Variants in BICC1 observed in about 807,000 individuals in gnomAD.
BICC1 encodes BicC family RNA binding protein 1.
Under a neutral mutation model 111.0 loss-of-function variants are expected in BICC1, and 43 were observed. That is an observed-to-expected ratio of 0.39 (90% CI 0.30 to 0.50). BICC1 has a LOEUF of 0.50. Ranked by LOEUF, BICC1 falls within the 20% of genes least tolerant of loss-of-function variation. The pLI is 0.88. For missense variants in BICC1, 1,091 were observed against 1,203.2 expected, an observed-to-expected ratio of 0.91 and a Z score of 1.38; for synonymous variants, 467 against 434.4, an observed-to-expected ratio of 1.07 and a Z score of -0.93.
chr10:58,513,428 TACGG>T (rs2132482797), intron 1 of BICC1, 95 bp downstream of exon 1: 1 of 1,258,758 alleles, frequency 7.9e-7, no homozygotes, highest in Non-Finnish European at 1.0e-6. Context: ...TACTCCAGCC[TACGG>T]CCGGCCGGTT....
At chr10:58,727,376 C>T (rs1432831770) in intron 3 of BICC1, among the ~76,000 whole-genome samples, 1 of 152,066 alleles carries the variant, frequency 6.6e-6, no homozygotes, top group Non-Finnish European at 1.5e-5. Flanking sequence ...CACTTGAGCC[C>T]AGGAGTTCGA....
In BICC1 at chr10:58,582,947, T is replaced by G. The variant is rs550870396; in HGVS notation, c.191-37908T>G. 2.0e-4 allele frequency among the ~76,000 whole-genome samples: 30 copies of G among 152,274 alleles called. No homozygotes were observed. In the South Asian group the frequency reaches 6.0e-3, roughly 31 times the overall value. ...CTGCAACCTTTATTCTCCCTCAACA[T>G]GTAACCTAACATATTCATAGACTCC... On this transcript the variant is annotated intron_variant, in intron 1 of 20. Transcript: ENST00000373886.
At chr10:58,790,669 T>C (rs1247681493) in intron 8 of BICC1, among the ~76,000 whole-genome samples, 1 of 152,068 alleles carries the variant, frequency 6.6e-6, no homozygotes, top group Non-Finnish European at 1.5e-5. Context: ...CTACTAAAAA[T>C]ATAAAAATTA....
At chr10:58,738,663 A>G (rs80035367) in intron 3 of BICC1, among the ~76,000 whole-genome samples, 120,534 of 126,526 alleles carry the variant, frequency 0.95, 57,722 homozygotes, top group Middle Eastern at 1. Flanking sequence ...CATTGAATCT[A>G]TAAATTACCT....
intron 19 of BICC1, among the ~76,000 whole-genome samples, 167 bp downstream of exon 19, chr10:58,817,889 G>A (rs141197272): frequency 3.9e-4 from 60 of 152,228 alleles, no homozygotes; most frequent in African/African-American, 1.3e-3. Context: ...TTCTTATTTA[G>A]TGCAGCTAGT....
At chr10:58,705,641 G>A (rs1027662782) in intron 3 of BICC1, among the ~76,000 whole-genome samples, 2 of 152,158 alleles carry the variant, frequency 1.3e-5, no homozygotes, top group Non-Finnish European at 2.9e-5. Flanking sequence ...CATGTGCACA[G>A]GGCATTTTAG....
intron 2 of BICC1, among the ~76,000 whole-genome samples, chr10:58,694,302 G>A (rs553377075): frequency 6.6e-5 from 10 of 152,252 alleles, no homozygotes; most frequent in South Asian, 4.1e-4. Flanking sequence ...GACTACTTGC[G>A]TTGCCATCTG....
chr10:58,738,593 A>G (rs1406301564), intron 3 of BICC1, among the ~76,000 whole-genome samples: 2 of 149,126 alleles, frequency 1.3e-5, no homozygotes, highest in African/African-American at 2.5e-5. Context: ...TTCCATATGA[A>G]CTTTAAAGTA....
intron 19 of BICC1, 124 bp downstream of exon 19, chr10:58,817,846 T>G: frequency 1.0e-6 from 1 of 960,568 alleles, no homozygotes; most frequent in Non-Finnish European, 1.5e-6. Context: ...GTCTCATAGC[T>G]TGTCCTTGCT....
intron 4 of BICC1, among the ~76,000 whole-genome samples, chr10:58,786,269 T>A (rs1475537365): frequency 6.6e-6 from 1 of 152,182 alleles, no homozygotes; most frequent in African/African-American, 2.4e-5. Flanking sequence ...TTATTTATTA[T>A]GTCTTAGAAT....
intron 2 of BICC1, among the ~76,000 whole-genome samples, chr10:58,696,301 T>A (rs1840063002): frequency 6.6e-6 from 1 of 152,070 alleles, no homozygotes; most frequent in African/African-American, 2.4e-5. Context: ...TTCATCAGAT[T>A]TTTCATGATG....
intron 3 of BICC1, among the ~76,000 whole-genome samples, chr10:58,728,365 A>G (rs2132547352): frequency 6.6e-6 from 1 of 152,294 alleles, no homozygotes; most frequent in South Asian, 2.1e-4. Flanking sequence ...TTCTTTGCTT[A>G]TCCATTAGAA....
At chr10:58,627,821 T>A (rs1394448351) in intron 2 of BICC1, among the ~76,000 whole-genome samples, 1 of 152,156 alleles carries the variant, frequency 6.6e-6, no homozygotes, top group Non-Finnish European at 1.5e-5. Context: ...TGAAAATCCA[T>A]ATATAAAGAT....
chr10:58,564,586 C>T (rs1018504896), intron 1 of BICC1, among the ~76,000 whole-genome samples: 3 of 152,160 alleles, frequency 2.0e-5, no homozygotes, highest in African/African-American at 7.2e-5. Flanking sequence ...TGGGTAGAGA[C>T]AACTATTACC....
intron 2 of BICC1, among the ~76,000 whole-genome samples, chr10:58,682,889 T>G (rs1429739781): frequency 6.6e-6 from 1 of 152,240 alleles, no homozygotes; most frequent in Non-Finnish European, 1.5e-5. Context: ...TTAGTTTAAT[T>G]AGATCCCATT....
At chr10:58,679,027 G>C (rs1007734854) in intron 2 of BICC1, among the ~76,000 whole-genome samples, 4 of 152,104 alleles carry the variant, frequency 2.6e-5, no homozygotes, top group Admixed American at 6.5e-5. Flanking sequence ...CTGGGACACA[G>C]CTAGAGCAGT....
At chr10:58,579,524 G>A (rs779232849) in intron 1 of BICC1, among the ~76,000 whole-genome samples, 3 of 152,080 alleles carry the variant, frequency 2.0e-5, no homozygotes, top group Non-Finnish European at 4.4e-5. Context: ...CTGGGGCATC[G>A]GTTTTTCCTA....
In BICC1 at chr10:58,820,446, G is replaced by A. The variant is rs532799873; in HGVS notation, c.2772G>A (p.Arg924=). ...ELGITTFGAR[R]KMLLAISELN... is the part of the protein sequence containing the mutation. ...GAATAACTACTTTTGGTGCCAGGAGGAAAATGCTGCTTGCAATTTCAGGTG... is the reference window on the plus strand; with the variant it reads ...GAATAACTACTTTTGGTGCCAGGAGAAAAATGCTGCTTGCAATTTCAGGTG... The change falls in exon 20 of 21, where the codon AGG becomes AGA. Residue 924 remains arginine, a synonymous_variant. Transcript: ENST00000373886. The A allele has an allele frequency of 6.2e-7, 1 of 1,610,124 alleles. No homozygotes were observed. The highest frequency in any genetic ancestry group is 1.7e-5 in the Admixed American group (1 of 59,904).
intron 2 of BICC1, among the ~76,000 whole-genome samples, chr10:58,672,358 T>C (rs945946787): frequency 3.9e-5 from 6 of 152,138 alleles, no homozygotes; most frequent in African/African-American, 1.4e-4. Context: ...TTCACTATTA[T>C]ATACCTAATG....
Sources: allele counts gnomAD v4.1 joint callset (sites outside exome capture counted in the v4.1 genomes callset), GRCh38; gene constraint gnomAD v4.1.1; transcripts MANE v1.5; gene names NCBI Gene and HGNC (gene_info 2026-07-23, HGNC 2026-07-21).